FAT1: variants seen among roughly 807,000 people sequenced by gnomAD.
The protein encoded by FAT1 is FAT atypical cadherin 1.
Under a neutral mutation model 329.8 loss-of-function variants are expected in FAT1, and 171 were observed. That is an observed-to-expected ratio of 0.52 (90% CI 0.46 to 0.59). FAT1 has a LOEUF of 0.59. Ranked by LOEUF, FAT1 falls within the 20% of genes least tolerant of loss-of-function variation. The pLI, the probability that FAT1 is intolerant of heterozygous loss-of-function variation, is 0.00. For synonymous variants in FAT1, 2,233 were observed against 2,228.6 expected (o/e 1.00, Z -0.06); for missense variants, 5,672 against 5,774.4 (o/e 0.98, Z 0.57).
intron 21 of FAT1, 52 bp from the exon 22 acceptor site, chr4:186,600,412 G>C (rs2126415901): frequency 2.0e-6 from 3 of 1,464,334 alleles, no homozygotes; most frequent in Non-Finnish European, 2.8e-6. Context: ...CCTTCAATGA[G>C]AGCACCTGAT....
rs143279506 is a variant in FAT1, at chr4:186,705,892, G to A, written c.3265+671C>T. Among the ~76,000 whole-genome samples the A allele has an allele frequency of 5.3e-5, 8 of 152,214 alleles. No homozygotes were observed. In the East Asian group the frequency reaches 9.6e-4, roughly 18 times the overall value. ...CACTTTACTCTCACTTAAACCTTCC[G>A]GTATTTCTAAGTGTCCCCATGTAGA... On this transcript the variant is annotated intron_variant, in intron 2 of 26. Coordinates refer to ENST00000441802, the MANE Select transcript of FAT1 (RefSeq NM_005245.4).
At chr4:186,700,201 C>G (rs989603262) in intron 2 of FAT1, among the ~76,000 whole-genome samples, 2 of 152,198 alleles carry the variant, frequency 1.3e-5, no homozygotes, top group Admixed American at 6.5e-5. Context: ...GGCCTGAAAG[C>G]TGGGACCTAA....
At chr4:186,685,883 C>G (rs962175263) in intron 2 of FAT1, among the ~76,000 whole-genome samples, 1 of 152,172 alleles carries the variant, frequency 6.6e-6, no homozygotes, top group African/African-American at 2.4e-5. Context: ...GTAAGCACAC[C>G]GGTTGTGAGA....
chr4:186,637,578 T>C (rs1201476839), intron 4 of FAT1, among the ~76,000 whole-genome samples: 1 of 152,242 alleles, frequency 6.6e-6, no homozygotes, highest in East Asian at 1.9e-4. Context: ...ACTATCCATA[T>C]ATTCTTATAT....
chr4:186,634,613 A>G (rs1344535192), intron 6 of FAT1, among the ~76,000 whole-genome samples: 3 of 130,742 alleles, frequency 2.3e-5, no homozygotes, highest in African/African-American at 1.0e-4. Context: ...CACACTATGA[A>G]AAAAAAAACA....
Position 186,588,820 on chromosome 4 carries a change from T to A in FAT1, c.13539A>T (p.Arg4513Ser), listed in dbSNP as rs2126350710. ...TKGTGENSTC[R>S]EPHAPYPPGY... ...CTGGCGGGTAAGGGGCATGGGGTTCTCTACAAGTACTATTCTCACCAGTGC... is the reference window on the plus strand; with the variant it reads ...CTGGCGGGTAAGGGGCATGGGGTTCACTACAAGTACTATTCTCACCAGTGC... The change falls in exon 27 of 27, where the codon AGA becomes AGT. Residue 4513 changes from arginine to serine, a missense_variant. Physicochemically the swap from Arg to Ser is moderately radical, Grantham distance 110. Transcript: ENST00000441802. The A allele has an allele frequency of 6.2e-7, 1 of 1,614,028 alleles. No individual in the cohort carries two copies. The highest frequency in any genetic ancestry group is 8.5e-7 in the Non-Finnish European group (1 of 1,179,898).
intron 1 of FAT1, among the ~76,000 whole-genome samples, chr4:186,716,719 G>A (rs1421641022): frequency 1.3e-5 from 2 of 152,138 alleles, no homozygotes; most frequent in Non-Finnish European, 2.9e-5. Context: ...GGCCTGGCCG[G>A]CAAACACATT....
intron 2 of FAT1, among the ~76,000 whole-genome samples, chr4:186,699,790 C>G (rs1744213735): frequency 6.6e-6 from 1 of 151,134 alleles, no homozygotes; most frequent in Non-Finnish European, 1.5e-5. Context: ...GCCCTACGAA[C>G]TAAAATAATC....
In FAT1 at chr4:186,619,970, C is replaced by T. The variant is rs1466632971; in HGVS notation, c.6616G>A (p.Ala2206Thr). Residue 2206 changes from alanine (A) to threonine (T), a missense_variant, in exon 10 of 27, where the codon GCT becomes ACT. Transcript: ENST00000441802. ...ACTTTCAGGCCTTCCGGGCTGTTAG[C>T]CTGCACGTGGACCACAGGGCTGTGC... ...QVHSPVVHVQ[A>T]NSPEGLKVFY... 1.2e-6 allele frequency: 2 copies of T among 1,613,856 alleles called. No individual in the cohort carries two copies. Among genetic ancestry groups the T allele is most frequent in the African/African-American group, 2.7e-5 (2 of 74,916 alleles).
rs1053261493 is a variant in FAT1 at position 186,589,032 on chromosome 4, G to T, written c.13327C>A (p.Pro4443Thr). 3.1e-6 allele frequency: 5 copies of T among 1,613,734 alleles called. No homozygotes were observed. The highest frequency in any genetic ancestry group is 4.2e-6 in the Non-Finnish European group (5 of 1,179,862). Residue 4443 changes from proline to threonine, a missense_variant, in exon 27 of 27, where the codon CCC becomes ACC. Physicochemically the swap from Pro to Thr is conservative, Grantham distance 38 (BLOSUM62 -1). Around this residue, in one of 2 missense-constraint regions of FAT1, gnomAD observed 1,706 missense variants for 1,859.1 expected, o/e 0.92. Transcript: ENST00000441802. ...SDFPPPPEDFPAADELPPLPP... is the reference protein window; with the variant it reads ...SDFPPPPEDFTAADELPPLPP... Reference sequence around the variant, plus strand: ...AACGGTGGTAGCTCATCAGCTGCGGGGAAGTCTTCTGGGGGTGGAGGAAAA... The same window carrying T: ...AACGGTGGTAGCTCATCAGCTGCGGTGAAGTCTTCTGGGGGTGGAGGAAAA...
In FAT1 at chr4:186,709,618, T is replaced by C; in HGVS notation, c.210A>G (p.Val70=). Residue 70 remains valine (V), a synonymous_variant, in exon 2 of 27, where the codon GTA becomes GTG. Transcript: ENST00000441802. ...GVYITHPAWE[V]RYKIVSGDSE... ...TGTCTCCGGAAACAATTTTGTACCTTACTTCCCACGCTGGATGTGTAATGT... is the reference window on the plus strand; with the variant it reads ...TGTCTCCGGAAACAATTTTGTACCTCACTTCCCACGCTGGATGTGTAATGT... The C allele has an allele frequency of 6.2e-7, 1 of 1,613,986 alleles. No homozygotes were observed. The highest frequency in any genetic ancestry group is 1.1e-5 in the South Asian group (1 of 91,080).
At chr4:186,595,501 T>G (rs2306987) in intron 26 of FAT1, among the ~76,000 whole-genome samples, 188 bp downstream of exon 26, 8 of 152,018 alleles carry the variant, frequency 5.3e-5, no homozygotes, top group Non-Finnish European at 1.0e-4. Flanking sequence ...CACCTATTCA[T>G]TAAGAACAGT....
At chr4:186,648,235 T>G (rs1406207803) in intron 3 of FAT1, among the ~76,000 whole-genome samples, 1 of 149,568 alleles carries the variant, frequency 6.7e-6, no homozygotes, top group Non-Finnish European at 1.5e-5. Flanking sequence ...TACACTACTT[T>G]ATTGTGGCCA....
At chr4:186,598,887 A>G (rs543671203) in intron 22 of FAT1, 4 of 152,468 alleles carry the variant, frequency 2.6e-5, no homozygotes, top group South Asian at 2.1e-4. Context: ...CAGATCTTCT[A>G]ACTGCCTGCC....
intron 1 of FAT1, among the ~76,000 whole-genome samples, chr4:186,715,412 T>C (rs1745166682): frequency 6.6e-6 from 1 of 152,234 alleles, no homozygotes; most frequent in South Asian, 2.1e-4. Context: ...TCTGCAAACT[T>C]GGCTAACAGA....
Position 186,609,202 on chromosome 4 carries a change from T to C in FAT1, c.10187A>G (p.Lys3396Arg), listed in dbSNP as rs911540359. The change falls in exon 16 of 27, where the codon AAA (lysine) becomes AGA (arginine). Residue 3396 changes from lysine (K) to arginine (R), a missense_variant. Transcript: ENST00000441802. ...DPVRGEVKVTKLLDRETISGY... is the reference protein window; with the variant it reads ...DPVRGEVKVTRLLDRETISGY... ...ACTTACCGTTTCTCGGTCGAGAAGT[T>C]TGGTCACTTTGACTTCTCCCCTGAC... is the stretch of plus-strand genomic sequence containing the variant. 6.2e-7 allele frequency: 1 copy of C among 1,613,196 alleles called. No individual in the cohort carries two copies. The highest frequency in any genetic ancestry group is 8.5e-7 in the Non-Finnish European group (1 of 1,179,660).
chr4:186,604,423 G>A lies in FAT1; in HGVS notation c.10502C>T (p.Ser3501Phe), dbSNP rs2126438409. ...ATCTTTCTCCTTCCTCTTGATGGCA[G>A]ATGATGTCAGGAGGACTCCTTGCGG... ...VNPQGVLLTS[S>F]AIKRKEKDHY... Residue 3501 changes from serine (S) to phenylalanine (F), a missense_variant, in exon 18 of 27, where the codon TCT (serine) becomes TTT (phenylalanine). Coordinates refer to ENST00000441802, the MANE Select transcript of FAT1 (RefSeq NM_005245.4). 3.7e-6 allele frequency: 6 copies of A among 1,613,852 alleles called. No homozygotes were observed. The highest frequency in any genetic ancestry group is 5.1e-6 in the Non-Finnish European group (6 of 1,179,828).
chr4:186,719,960 T>C (rs1225249465), intron 1 of FAT1, among the ~76,000 whole-genome samples: 1 of 152,220 alleles, frequency 6.6e-6, no homozygotes, highest in Non-Finnish European at 1.5e-5. Flanking sequence ...TATTCAGTAT[T>C]TCCCCTTAGC....
At chr4:186,667,311 G>A (rs1342817261) in intron 2 of FAT1, among the ~76,000 whole-genome samples, 1 of 152,202 alleles carries the variant, frequency 6.6e-6, no homozygotes, top group African/African-American at 2.4e-5. Context: ...TGTCCATCAG[G>A]AGGGGATTGT....
Sources: gnomAD v4.1 joint callset for allele counts (sites outside exome capture counted in the v4.1 genomes callset) on GRCh38, gnomAD v4.1.1 for gene constraint, gnomAD v4.1.1 regional missense constraint, MANE v1.5 for transcripts, NCBI Gene and HGNC (gene_info 2026-07-23, HGNC 2026-07-21) for gene names.